ITGA7: variants seen among roughly 807,000 people sequenced by gnomAD.
The protein encoded by ITGA7 is integrin alpha-7.
In ITGA7, 84 loss-of-function variants were observed where a neutral mutation model predicts 131.6. That is an observed-to-expected ratio of 0.64 (90% CI 0.54 to 0.77). The LOEUF is 0.77. ITGA7 is among the 30% of genes least tolerant of loss of function. The pLI is 0.00. For synonymous variants in ITGA7, 548 were observed against 600.7 expected, an observed-to-expected ratio of 0.91 and a Z score of 1.28; for missense variants, 1,399 against 1,482.9, an observed-to-expected ratio of 0.94 and a Z score of 0.93.
At chr12:55,714,720 A>ATATACATACATATATACACATATATACG (rs1411259926), upstream of ITGA7, among the ~76,000 whole-genome samples, 8,779 of 139,950 alleles carry the variant, frequency 0.063, 916 homozygotes, top group African/African-American at 0.16. Flanking sequence ...ACATATATAC[A>ATATACATACATATATACACATATATACG]TATACATACA....
Position 55,697,281 on chromosome 12 carries a change from C to CG in ITGA7, c.1506-5dup. The CG allele has an allele frequency of 2.5e-6, 4 of 1,591,680 alleles. No individual in the cohort carries two copies. The highest frequency in any genetic ancestry group is 3.4e-6 in the Non-Finnish European group (4 of 1,169,082). ...GAAACAGACCCTTAGGTCCACACTG[C>CG]GGGGGCAAAGGTGGCTCCTGAGCCA... On this transcript the variant is annotated splice_region_variant and splice_polypyrimidine_tract_variant and intron_variant, in intron 10 of 24. Transcript: ENST00000257879.
At position 55,697,717 on chromosome 12, in the gene ITGA7, C is replaced by T. The variant is rs150443803; in HGVS notation, c.1387G>A (p.Ala463Thr). 3.0e-5 allele frequency: 48 copies of T among 1,614,154 alleles called. No homozygotes were observed. The highest frequency in any genetic ancestry group is 1.6e-4 in the Middle Eastern group (1 of 6,062). The stretch of plus-strand genomic sequence containing the variant: ...CACCTGAAGAGCACTGCGGTGTCAG[C>T]CAGGGAGCCCACCAGCAGGTCAGGG... ...QYPDLLVGSL[A>T]DTAVLFRARP... is the part of the protein sequence containing the mutation. The change falls in exon 9 of 25, where the codon GCT becomes ACT. Residue 463 changes from alanine to threonine, a missense_variant. By Grantham distance (58) the Ala-to-Thr change is moderately conservative (BLOSUM62 0). Coordinates refer to ENST00000257879, the MANE Select transcript of ITGA7 (RefSeq NM_002206.3).
In ITGA7 at chr12:55,688,962, G is replaced by A. The variant is rs1463178289; in HGVS notation, c.2845-5C>T. On this transcript the variant is annotated splice_polypyrimidine_tract_variant and splice_region_variant and intron_variant, in intron 21 of 24. Coordinates refer to ENST00000257879, the MANE Select transcript of ITGA7 (RefSeq NM_002206.3). ...GGCCGTGCCCCGGGCGCAGTCCTAGGGATAAGGACAGACAGGGGTCTAAGC... is the reference window on the plus strand; with the variant it reads ...GGCCGTGCCCCGGGCGCAGTCCTAGAGATAAGGACAGACAGGGGTCTAAGC... 6 of 1,612,368 alleles carry A rather than the reference G, an allele frequency of 3.7e-6. No individual in the cohort carries two copies. The East Asian group carries it at 6.7e-5, about 18-fold the overall frequency.
intron 22 of ITGA7, 34 bp from the exon 23 acceptor site, chr12:55,688,334 A>G (rs374053973): frequency 1.7e-5 from 24 of 1,434,604 alleles, no homozygotes; most frequent in Non-Finnish European, 2.3e-5. Flanking sequence ...CTTCTCCTAA[A>G]TGCCCCATGT....
In ITGA7 at chr12:55,697,729, C is replaced by G; in HGVS notation, c.1375G>C (p.Val459Leu). 2.5e-6 allele frequency: 4 copies of G among 1,614,132 alleles called. No homozygotes were observed. Among genetic ancestry groups the G allele is most frequent in the Non-Finnish European group, 3.4e-6 (4 of 1,180,006 alleles). Residue 459 changes from valine to leucine, a missense_variant, in exon 9 of 25, where the codon GTG becomes CTG. Coordinates refer to ENST00000257879, the MANE Select transcript of ITGA7 (RefSeq NM_002206.3). ...ACTGCGGTGTCAGCCAGGGAGCCCA[C>G]CAGCAGGTCAGGGTATTGGTTCCCA... is the stretch of plus-strand genomic sequence containing the variant. ...MDGNQYPDLL[V>L]GSLADTAVLF...
At chr12:55,714,049 G>T (rs1055510809), upstream of ITGA7, among the ~76,000 whole-genome samples, 4 of 152,162 alleles carry the variant, frequency 2.6e-5, no homozygotes, top group Non-Finnish European at 5.9e-5. Context: ...TTCAACCCTG[G>T]ATACACATTA....
chr12:55,685,012 G>A lies in ITGA7; in HGVS notation c.*46C>T. 1 of 1,456,648 alleles carries A rather than the reference G, an allele frequency of 6.9e-7. No homozygotes were observed. The highest frequency in any genetic ancestry group is 1.4e-5 in the African/African-American group (1 of 71,550). 90.2% of individuals were successfully genotyped at this position (1,456,648 alleles called of 1,614,324 possible). A position where few individuals can be genotyped will look rare whatever the true frequency, so the allele number is the denominator to read the frequency against. ...TCTTCATCCCAAGGAGCCATCTCTG[G>A]GGAAGGGATGGAGGGCAGCCACAGG... On this transcript the variant is annotated 3_prime_UTR_variant, in exon 25 of 25. Coordinates refer to ENST00000257879, the MANE Select transcript of ITGA7 (RefSeq NM_002206.3).
chr12:55,688,030 G>A lies in ITGA7; in HGVS notation c.3124C>T (p.Leu1042Phe), dbSNP rs775959923. Residue 1042 changes from leucine (L) to phenylalanine (F), a missense_variant, in exon 24 of 25, where the codon CTC becomes TTC. Coordinates refer to ENST00000257879, the MANE Select transcript of ITGA7 (RefSeq NM_002206.3). Reference protein sequence around the residue: ...VAEGVPWWVILLAVLAGLLVL... With the variant: ...VAEGVPWWVIFLAVLAGLLVL... Reference sequence around the variant, plus strand: ...AGCAGCCCAGCCAGTACAGCCAGGAGGATGACCCACCAGGGCACTCCTTCT... The same window carrying A: ...AGCAGCCCAGCCAGTACAGCCAGGAAGATGACCCACCAGGGCACTCCTTCT... 4 of 1,614,034 alleles carry A rather than the reference G, an allele frequency of 2.5e-6. No individual in the cohort carries two copies. Among genetic ancestry groups the A allele is most frequent in the African/African-American group, 2.7e-5 (2 of 74,900 alleles).
upstream of ITGA7, among the ~76,000 whole-genome samples, chr12:55,714,860 CTT>C (rs1307236467): frequency 1.6e-4 from 17 of 103,034 alleles, no homozygotes; most frequent in South Asian, 1.2e-3. Flanking sequence ...GGAATCAAGG[CTT>C]TTTTTTTTTT....
Position 55,696,851 on chromosome 12 carries a change from G to T in ITGA7, c.1737+48C>A, listed in dbSNP as rs532529450. ...CAGCTAAGAGGAATCAGGGAAAAGA[G>T]ATGGAGCCATGAAAATGACCCTCAG... On this transcript the variant is annotated intron_variant, in intron 12 of 24. Coordinates refer to ENST00000257879, the MANE Select transcript of ITGA7 (RefSeq NM_002206.3). 39 of 1,603,574 alleles carry T rather than the reference G, an allele frequency of 2.4e-5. 1 individual carries two copies. In the South Asian group the frequency reaches 4.3e-4, roughly 18 times the overall value.
chr12:55,689,090 A>C, intron 21 of ITGA7, 133 bp from the exon 22 acceptor site: 1 of 682,260 alleles, frequency 1.5e-6, no homozygotes, highest in Non-Finnish European at 2.6e-6. Flanking sequence ...CTTATATCCA[A>C]AATAGCTGCC....
At chr12:55,689,135 G>T (rs766032546) in intron 21 of ITGA7, among the ~76,000 whole-genome samples, 178 bp from the exon 22 acceptor site, 1 of 152,198 alleles carries the variant, frequency 6.6e-6, no homozygotes, top group African/African-American at 2.4e-5. Context: ...TTTGAAATGC[G>T]TGGAGGGGGC....
intron 20 of ITGA7, 75 bp downstream of exon 20, chr12:55,693,066 A>T: frequency 6.2e-7 from 1 of 1,611,004 alleles, no homozygotes; most frequent in Non-Finnish European, 8.5e-7. Flanking sequence ...CTCCTGCCCC[A>T]TCACTGCACT....
chr12:55,696,819 G>T lies in ITGA7; in HGVS notation c.1737+80C>A, dbSNP rs55724937. The T allele has an allele frequency of 7.8e-6, 12 of 1,541,990 alleles. No homozygotes were observed. The Admixed American group carries it at 1.7e-4, about 21-fold the overall frequency. ...TAGAAGGAGGCACGAGTGTGCTCGG[G>T]AAAAAGCAGCTAAGAGGAATCAGGG... On this transcript the variant is annotated intron_variant, in intron 12 of 24. Transcript: ENST00000257879.
chr12:55,690,010 T>C (rs536260866), intron 21 of ITGA7, among the ~76,000 whole-genome samples: 2 of 152,268 alleles, frequency 1.3e-5, no homozygotes, highest in Admixed American at 1.3e-4. Flanking sequence ...ACATAAACCA[T>C]AAAAACCCTA....
chr12:55,705,452 A>G (rs1393560450), intron 1 of ITGA7, among the ~76,000 whole-genome samples: 1 of 151,506 alleles, frequency 6.6e-6, no homozygotes, highest in Non-Finnish European at 1.5e-5. Context: ...ACAAAGGAGT[A>G]GCCCACGACC....
At chr12:55,716,083 G>C, upstream of ITGA7, 6 of 1,579,664 alleles carry the variant, frequency 3.8e-6, no homozygotes, top group Middle Eastern at 1.7e-4. Flanking sequence ...GAGCGTTCCA[G>C]CTTCCGGAGC....
intron 12 of ITGA7, 59 bp from the exon 13 acceptor site, chr12:55,696,491 G>T (rs1872659070): frequency 6.5e-7 from 1 of 1,548,424 alleles, no homozygotes; most frequent in Non-Finnish European, 8.8e-7. Flanking sequence ...GCCCTGCTCA[G>T]TGCCCCAGCC....
chr12:55,701,068 G>T lies in ITGA7; in HGVS notation c.501C>A (p.Ser167Arg). ...ACTCATCCCGGATGGCCAGGTCCTG[G>T]CTGAGCACAAAGCAGCGACCAATCA... ...RDMIGRCFVL[S>R]QDLAIRDELD... Residue 167 changes from serine (S) to arginine (R), a missense_variant, in exon 4 of 25, where the codon AGC becomes AGA. Transcript: ENST00000257879. 1 of 1,614,224 alleles carries T rather than the reference G, an allele frequency of 6.2e-7. No homozygotes were observed.
Sources: gnomAD v4.1 joint callset for allele counts (sites outside exome capture counted in the v4.1 genomes callset) on GRCh38, gnomAD v4.1.1 for gene constraint, MANE v1.5 for transcripts, NCBI Gene and HGNC (gene_info 2026-07-23, HGNC 2026-07-21) for gene names.